Variants in UPRT observed in about 807,000 individuals in gnomAD.
UPRT encodes RP11-311P8.3.
Under a neutral mutation model 22.6 loss-of-function variants are expected in UPRT, and 5 were observed. The ratio of observed to expected loss-of-function variants is 0.22; its 90% CI spans 0.12 to 0.47. The LOEUF (loss-of-function observed/expected upper bound fraction) is 0.47, where lower values mean the gene tolerates loss of function less well. Ranked by LOEUF, UPRT falls within the 20% of genes least tolerant of loss-of-function variation. The pLI is 0.99. For synonymous variants in UPRT, 77 were observed against 87.7 expected, an observed-to-expected ratio of 0.88 and a Z score of 0.68; for missense variants, 181 against 239.9, an observed-to-expected ratio of 0.75 and a Z score of 1.62.
At chrX:75,273,240 C>T (rs1210988399), upstream of UPRT, among the ~76,000 whole-genome samples, 1 of 110,324 alleles carries the variant, frequency 9.1e-6, no homozygotes, top group Non-Finnish European at 1.9e-5. Flanking sequence ...GGCTTAATAC[C>T]TGGGCGATGA....
At chrX:75,247,147 C>T (rs1449575095) in intron 4 of UPRT, among the ~76,000 whole-genome samples, 1 of 111,261 alleles carries the variant, frequency 9.0e-6, no homozygotes, top group Non-Finnish European at 1.9e-5. Context: ...GAGCTCCCAG[C>T]ATGAGTGACA....
chrX:75,279,002 C>CT (rs1327761576), intron 1 of UPRT, among the ~76,000 whole-genome samples: 1 of 111,362 alleles, frequency 9.0e-6, no homozygotes, highest in Non-Finnish European at 1.9e-5. Context: ...GTCTCTCTCT[C>CT]TTTTTTTAAA....
At chrX:75,296,203 AG>A in intron 2 of UPRT, 138 bp from the exon 3 acceptor site, 2 of 466,394 alleles carry the variant, frequency 4.3e-6, no homozygotes, top group Non-Finnish European at 3.6e-6. Context: ...AACACATGAT[AG>A]GGGGCCCCTT....
intron 1 of UPRT, among the ~76,000 whole-genome samples, chrX:75,282,228 ATCT>A (rs1305758555): frequency 8.0e-5 from 4 of 49,899 alleles, no homozygotes; most frequent in African/African-American, 1.8e-4. Context: ...TGTTTCATTT[ATCT>A]TATATTTTTT....
At chrX:75,249,318 C>G (rs989377810) in intron 4 of UPRT, among the ~76,000 whole-genome samples, 1 of 111,389 alleles carries the variant, frequency 9.0e-6, no homozygotes, top group African/African-American at 3.3e-5. Flanking sequence ...AAACCCATCT[C>G]ACGTGCAGAG....
intron 4 of UPRT, among the ~76,000 whole-genome samples, chrX:75,176,413 G>A (rs955708578): frequency 6.3e-5 from 7 of 111,544 alleles, no homozygotes; most frequent in Non-Finnish European, 1.1e-4. Context: ...GTAGCATGAC[G>A]TCTCTCCAAG....
At chrX:75,233,454 C>T (rs1472912211) in intron 4 of UPRT, among the ~76,000 whole-genome samples, 2 of 110,211 alleles carry the variant, frequency 1.8e-5, no homozygotes, top group Non-Finnish European at 3.8e-5. Context: ...AGATACTCCA[C>T]GAGAAGAGTA....
At chrX:75,171,531 C>T (rs762911160) in intron 4 of UPRT, among the ~76,000 whole-genome samples, 1 of 110,738 alleles carries the variant, frequency 9.0e-6, no homozygotes, top group East Asian at 2.8e-4. Context: ...TCTGGTGCCT[C>T]CTTGATTAAG....
chrX:75,296,442 T>C (rs775510763), intron 3 of UPRT, 31 bp downstream of exon 3: 28 of 1,160,936 alleles, frequency 2.4e-5, no homozygotes, highest in Non-Finnish European at 3.3e-5. Context: ...CAAATTTTCC[T>C]CATAAAAATT....
chrX:75,268,650 AC>A (rs1404485185), intron 4 of UPRT, among the ~76,000 whole-genome samples: 1 of 111,994 alleles, frequency 8.9e-6, no homozygotes, highest in Non-Finnish European at 1.9e-5. Flanking sequence ...AGAACCAATG[AC>A]AAAAACCACA....
At chrX:75,195,580 A>AG (rs2082330483) in intron 4 of UPRT, among the ~76,000 whole-genome samples, 1 of 112,168 alleles carries the variant, frequency 8.9e-6, no homozygotes, top group Non-Finnish European at 1.9e-5. Flanking sequence ...TGAAGTGTCC[A>AG]TGAAGGTCGT....
intron 2 of UPRT, among the ~76,000 whole-genome samples, chrX:75,162,139 C>CG (rs2082202026): frequency 6.0e-5 from 6 of 99,691 alleles, no homozygotes; most frequent in Non-Finnish European, 8.0e-5. Context: ...TTAGTAGAGA[C>CG]GGGGGTCTTA....
chrX:75,176,834 C>G (rs976091641), intron 4 of UPRT, among the ~76,000 whole-genome samples: 1 of 111,143 alleles, frequency 9.0e-6, no homozygotes, highest in African/African-American at 3.3e-5. Flanking sequence ...GCCTTCCCTC[C>G]TACAGAAAAG....
intron 4 of UPRT, among the ~76,000 whole-genome samples, chrX:75,231,693 T>C (rs2082438938): frequency 8.9e-6 from 1 of 111,934 alleles, no homozygotes; most frequent in Admixed American, 9.5e-5. Context: ...TTAAGAGCTA[T>C]GAAGCAAAAG....
At chrX:75,236,401 C>T (rs1309755212) in intron 4 of UPRT, among the ~76,000 whole-genome samples, 1 of 111,308 alleles carries the variant, frequency 9.0e-6, no homozygotes, top group Non-Finnish European at 1.9e-5. Context: ...TCAATGCCAT[C>T]CCCATCAAGC....
chrX:75,283,600 G>T (rs2082667905), intron 1 of UPRT, among the ~76,000 whole-genome samples: 2 of 111,319 alleles, frequency 1.8e-5, no homozygotes, highest in Admixed American at 1.9e-4. Flanking sequence ...TTGTTTGTTT[G>T]TTTGTTTGTT....
At chrX:75,273,301 C>A (rs1393072260), upstream of UPRT, among the ~76,000 whole-genome samples, 2 of 108,872 alleles carry the variant, frequency 1.8e-5, no homozygotes, top group South Asian at 4.0e-4. Flanking sequence ...ATGTAACAAA[C>A]CTGCACATAT....
chrX:75,236,181 T>A (rs757322331), intron 4 of UPRT, among the ~76,000 whole-genome samples: 1 of 111,187 alleles, frequency 9.0e-6, no homozygotes, highest in East Asian at 2.8e-4. Flanking sequence ...CAAATCATGA[T>A]TGAACTCCCA....
chrX:75,225,755 C>A (rs1322228792), intron 4 of UPRT, among the ~76,000 whole-genome samples: 1 of 111,817 alleles, frequency 8.9e-6, no homozygotes, highest in Admixed American at 9.5e-5. Context: ...AGAAGTCAAT[C>A]CCTCAGAGGT....
Sources: gnomAD v4.1 joint callset for allele counts (sites outside exome capture counted in the v4.1 genomes callset) on GRCh38, gnomAD v4.1.1 for gene constraint, MANE v1.5 for transcripts, NCBI Gene and HGNC (gene_info 2026-07-23, HGNC 2026-07-21) for gene names.